Variants in N4BP2 observed in about 807,000 individuals in gnomAD.
N4BP2 encodes the protein NEDD4 binding protein 2.
A neutral mutation model predicts 152.8 loss-of-function variants in N4BP2; 91 were observed. The ratio of observed to expected loss-of-function variants is 0.60; its 90% CI spans 0.50 to 0.71. The LOEUF (loss-of-function observed/expected upper bound fraction) is 0.71, where lower values mean the gene tolerates loss of function less well. Among genes scored for constraint, N4BP2 ranks in the 30% least tolerant of loss-of-function variants. The pLI, the probability that N4BP2 is intolerant of heterozygous loss-of-function variation, is 0.00. For missense variants in N4BP2, 1,923 were observed against 2,059.1 expected (o/e 0.93, Z 1.28); for synonymous variants, 646 against 705.3 (o/e 0.92, Z 1.33).
At position 40,152,904 on chromosome 4, in the gene N4BP2, G is replaced by GT. The variant is rs750019918; in HGVS notation, c.5267+2dup. 1 of 1,613,838 alleles carries GT rather than the reference G, an allele frequency of 6.2e-7. No individual in the cohort carries two copies. The highest frequency in any genetic ancestry group is 8.5e-7 in the Non-Finnish European group (1 of 1,179,862). ...AGTACCTCATAAGCCATAGCTTCAG[G>GT]TGAGTGTAGATTTCTGTTATTAATA... On this transcript the variant is annotated splice_donor_variant, in intron 17 of 17. Transcript: ENST00000261435. LOFTEE classifies it high-confidence loss of function.
intron 2 of N4BP2, among the ~76,000 whole-genome samples, chr4:40,086,619 GC>G (rs1238823591): frequency 6.6e-6 from 1 of 151,746 alleles, no homozygotes; most frequent in Non-Finnish European, 1.5e-5. Context: ...GCAGGCATAA[GC>G]CACCGGGCCC....
chr4:40,117,989 G>A lies in N4BP2; in HGVS notation c.1785G>A (p.Glu595=). 2 of 1,609,446 alleles carry A rather than the reference G, an allele frequency of 1.2e-6. No homozygotes were observed. The highest frequency in any genetic ancestry group is 1.7e-6 in the Non-Finnish European group (2 of 1,177,766). The change falls in exon 8 of 18, where the codon GAG becomes GAA. Residue 595 remains glutamate (E), a synonymous_variant. Transcript: ENST00000261435. ...TTCCAGAGAAAATTGAACGTATTGA[G>A]TTGTGTGCATATTCTTGTGAGGATA... ...SSVPEKIERI[E]LCAYSCEDRS... is the part of the protein sequence containing the mutation.
At chr4:40,104,964 G>C (rs572438817) in intron 4 of N4BP2, among the ~76,000 whole-genome samples, 1 of 151,862 alleles carries the variant, frequency 6.6e-6, no homozygotes, top group African/African-American at 2.4e-5. Context: ...CACCGCGCCT[G>C]GTTAATTTTT....
intron 1 of N4BP2, among the ~76,000 whole-genome samples, chr4:40,060,816 G>A (rs1346410702): frequency 6.6e-6 from 1 of 151,964 alleles, no homozygotes; most frequent in Non-Finnish European, 1.5e-5. Flanking sequence ...TGTTGCTTAG[G>A]CTGGTCACAA....
At chr4:40,178,635 A>G in the N4BP2 span, among the ~76,000 whole-genome samples, 1 of 152,244 alleles carries the variant, frequency 6.6e-6, no homozygotes, top group African/African-American at 2.4e-5. Flanking sequence ...AACAAGGACA[A>G]TATCCAGCTC....
Position 40,102,779 on chromosome 4 carries a change from A to G in N4BP2, c.934A>G (p.Thr312Ala). The G allele has an allele frequency of 6.2e-7, 1 of 1,614,060 alleles. No homozygotes were observed. Among genetic ancestry groups the G allele is most frequent in the Non-Finnish European group, 8.5e-7 (1 of 1,180,006 alleles). ...AGGTACAGGTGGGGATCAGAAATCTACTCGGGTCTCTGATGTGTTTCTACC... is the reference window on the plus strand; with the variant it reads ...AGGTACAGGTGGGGATCAGAAATCTGCTCGGGTCTCTGATGTGTTTCTACC... ...LPGTGGDQKS[T>A]RVSDVFLPSE... Residue 312 changes from threonine to alanine, a missense_variant, in exon 4 of 18, where the codon ACT (threonine) becomes GCT (alanine). Transcript: ENST00000261435.
intron 2 of N4BP2, among the ~76,000 whole-genome samples, chr4:40,089,128 T>G (rs1414848939): frequency 1.3e-5 from 2 of 152,002 alleles, no homozygotes; most frequent in African/African-American, 4.8e-5. Flanking sequence ...TTGTTTTCTA[T>G]TTTTTCATAG....
In N4BP2 at chr4:40,096,862, G is replaced by C. The variant is rs371006257; in HGVS notation, c.-114-365G>C. 3.3e-5 allele frequency among the ~76,000 whole-genome samples: 5 copies of C among 152,258 alleles called. No homozygotes were observed. The South Asian group carries it at 8.3e-4, about 25-fold the overall frequency. On this transcript the variant is annotated intron_variant, in intron 2 of 17. Transcript: ENST00000261435. ...GAGATGGGAAAGACTGGGAAAAGCA[G>C]GTTTGAAGGGGGTGATGAGGAGCTG...
At chr4:40,165,349 A>G in the N4BP2 span, among the ~76,000 whole-genome samples, 1,045 of 152,274 alleles carry the variant, frequency 6.9e-3, 22 homozygotes, top group South Asian at 0.04. Context: ...CCCGGGCTCA[A>G]GCAATCCTCG....
intron 5 of N4BP2, among the ~76,000 whole-genome samples, chr4:40,108,100 G>A (rs924235635): frequency 6.6e-6 from 1 of 151,806 alleles, no homozygotes; most frequent in African/African-American, 2.4e-5. Flanking sequence ...GCTAATTTTT[G>A]TATTTTTAGT....
At position 40,152,745 on chromosome 4, in the gene N4BP2, A is replaced by G. The variant is rs1721254588; in HGVS notation, c.5144-35A>G. The G allele has an allele frequency of 2.5e-6, 4 of 1,610,516 alleles. No individual in the cohort carries two copies. The South Asian group carries it at 3.3e-5, about 13-fold the overall frequency. ...GTTTTCTATTGAGAATGTAAGATAA[A>G]TGAATTTTAACTCCCCTGATTTCTG... On this transcript the variant is annotated intron_variant, in intron 16 of 17. Coordinates refer to ENST00000261435, the MANE Select transcript of N4BP2 (RefSeq NM_018177.6).
Position 40,120,733 on chromosome 4 carries a change from T to C in N4BP2, c.2622T>C (p.Ile874=), listed in dbSNP as rs758011614. ...ATAAATATGATGCTTATAAAAATAT[T>C]GACAAAAACTCATTCAACATTATGG... ...NSYKYDAYKN[I]DKNSFNIMGD... is the part of the protein sequence containing the mutation. The change falls in exon 9 of 18, where the codon ATT becomes ATC. Residue 874 remains isoleucine, a synonymous_variant. Coordinates refer to ENST00000261435, the MANE Select transcript of N4BP2 (RefSeq NM_018177.6). 1.9e-6 allele frequency: 3 copies of C among 1,614,094 alleles called. No individual in the cohort carries two copies. The South Asian group carries it at 3.3e-5, about 18-fold the overall frequency.
At chr4:40,063,031 A>G (rs143372677) in intron 1 of N4BP2, among the ~76,000 whole-genome samples, 1 of 152,324 alleles carries the variant, frequency 6.6e-6, no homozygotes, top group African/African-American at 2.4e-5. Context: ...TTTGGGGTTT[A>G]TCTAATACAG....
intron 11 of N4BP2, 93 bp downstream of exon 11, chr4:40,124,298 A>G: frequency 1.3e-6 from 1 of 755,648 alleles, no homozygotes; most frequent in African/African-American, 1.8e-5. Context: ...TCCACAAAAT[A>G]CGGTACCCAC....
In N4BP2 at chr4:40,157,031, A is replaced by T. The variant is rs1402800457; in HGVS notation, c.*2794A>T. The T allele has an allele frequency of 2.0e-5, 3 of 152,064 alleles. No individual in the cohort carries two copies. Among genetic ancestry groups the T allele is most frequent in the Non-Finnish European group, 4.4e-5 (3 of 67,972 alleles). 9.4% of individuals were successfully genotyped at this position (152,064 alleles called of 1,614,324 possible). A position where few individuals can be genotyped will look rare whatever the true frequency, so the allele number is the denominator to read the frequency against. On this transcript the variant is annotated 3_prime_UTR_variant, in exon 18 of 18. Transcript: ENST00000261435. ...AAAGTACAGCACTTCTGTAGTATGGAAGGTTTCAGTAATAATTATATTCAT... is the reference window on the plus strand; with the variant it reads ...AAAGTACAGCACTTCTGTAGTATGGTAGGTTTCAGTAATAATTATATTCAT...
Position 40,103,230 on chromosome 4 carries a change from G to T in N4BP2, c.1373+12G>T, listed in dbSNP as rs182132068. 384 of 1,573,548 alleles carry T rather than the reference G, an allele frequency of 2.4e-4. 3 individuals are homozygous for T. In the African/African-American group the frequency reaches 4.9e-3, roughly 20 times the overall value. The stretch of plus-strand genomic sequence containing the variant: ...TCTTTTTTGGCAAGGTATGAGGTTT[G>T]ATTGGGTTTTTAAAAAATAGTATAA... On this transcript the variant is annotated intron_variant, in intron 4 of 17. Transcript: ENST00000261435.
chr4:40,143,426 A>G (rs1177014818), intron 15 of N4BP2, among the ~76,000 whole-genome samples: 1 of 152,040 alleles, frequency 6.6e-6, no homozygotes, highest in African/African-American at 2.4e-5. Context: ...TGAACCTCCC[A>G]CATCAGCCTC....
At chr4:40,109,717 CAA>C (rs774029246) in intron 5 of N4BP2, among the ~76,000 whole-genome samples, 3 of 121,070 alleles carry the variant, frequency 2.5e-5, no homozygotes, top group Non-Finnish European at 1.8e-5. Context: ...GACTCTGTCT[CAA>C]AAAAAAAAAA....
chr4:40,062,591 C>T (rs1268731804), intron 1 of N4BP2, among the ~76,000 whole-genome samples: 4 of 140,934 alleles, frequency 2.8e-5, no homozygotes, highest in African/African-American at 1.1e-4. Flanking sequence ...GACTTCTGAA[C>T]TTCTTCACTT....
Sources: gnomAD v4.1 joint callset for allele counts (sites outside exome capture counted in the v4.1 genomes callset) on GRCh38, gnomAD v4.1.1 for gene constraint, MANE v1.5 for transcripts, NCBI Gene and HGNC (gene_info 2026-07-23, HGNC 2026-07-21) for gene names.